The following MYRIP variants were observed in gnomAD, a reference collection of about 807,000 sequenced individuals.
MYRIP encodes myosin VIIA and Rab interacting protein.
Under a neutral mutation model 98.0 loss-of-function variants are expected in MYRIP, and 49 were observed. The ratio of observed to expected loss-of-function variants is 0.50; its 90% CI spans 0.40 to 0.63. The LOEUF is 0.63. Ranked by LOEUF, MYRIP falls within the 30% of genes least tolerant of loss-of-function variation. The probability of loss-of-function intolerance (pLI) is 0.00; values close to 1 mark genes in which losing one functional copy is unlikely to be tolerated. For synonymous variants in MYRIP, 404 were observed against 409.5 expected (o/e 0.99, Z 0.16); for missense variants, 1,004 against 1,058.2 (o/e 0.95, Z 0.71).
At chr3:40,206,837 T>C (rs1951803605) in intron 10 of MYRIP, among the ~76,000 whole-genome samples, 2 of 152,218 alleles carry the variant, frequency 1.3e-5, no homozygotes, top group South Asian at 4.1e-4. Context: ...TAAATAGACA[T>C]GAAACGTGGA....
At chr3:40,105,037 G>T (rs1949027812) in intron 3 of MYRIP, among the ~76,000 whole-genome samples, 1 of 151,940 alleles carries the variant, frequency 6.6e-6, no homozygotes, top group Non-Finnish European at 1.5e-5. Flanking sequence ...GTAGGTGCAG[G>T]ATGTATATCT....
At chr3:40,118,689 G>A (rs908690861) in intron 3 of MYRIP, among the ~76,000 whole-genome samples, 1 of 151,440 alleles carries the variant, frequency 6.6e-6, no homozygotes, top group Non-Finnish European at 1.5e-5. Context: ...TGCCATGTTG[G>A]TGTGCTGCAC....
At chr3:39,996,571 C>A (rs1946363111) in intron 2 of MYRIP, among the ~76,000 whole-genome samples, 1 of 152,128 alleles carries the variant, frequency 6.6e-6, no homozygotes, top group Non-Finnish European at 1.5e-5. Flanking sequence ...TAGACTCCCA[C>A]ACAATAATAA....
At chr3:39,987,667 A>T (rs1033094043) in intron 2 of MYRIP, among the ~76,000 whole-genome samples, 9 of 152,084 alleles carry the variant, frequency 5.9e-5, no homozygotes, top group Non-Finnish European at 1.2e-4. Flanking sequence ...GCCAGCATCT[A>T]TTGTTTCTTG....
At chr3:39,948,729 G>A (rs1944950814) in intron 2 of MYRIP, among the ~76,000 whole-genome samples, 1 of 152,036 alleles carries the variant, frequency 6.6e-6, no homozygotes, top group Admixed American at 6.6e-5. Flanking sequence ...ATAGATTAGA[G>A]CAATATTTGA....
intron 2 of MYRIP, among the ~76,000 whole-genome samples, chr3:40,003,959 C>G (rs1946577737): frequency 6.6e-6 from 1 of 152,156 alleles, no homozygotes; most frequent in Non-Finnish European, 1.5e-5. Flanking sequence ...CCTGCTATGC[C>G]CACCTGCCAT....
intron 3 of MYRIP, among the ~76,000 whole-genome samples, chr3:40,120,133 A>C (rs1949370429): frequency 6.6e-6 from 1 of 152,170 alleles, no homozygotes; most frequent in East Asian, 1.9e-4. Flanking sequence ...CTGCAACCCA[A>C]CAACTTCAAC....
chr3:40,233,629 T>C (rs1650112479), intron 11 of MYRIP, among the ~76,000 whole-genome samples: 1 of 152,182 alleles, frequency 6.6e-6, no homozygotes, highest in Non-Finnish European at 1.5e-5. Flanking sequence ...TCACCAAGAA[T>C]CTGAAATAAT....
chr3:39,820,943 T>A (rs140607992), intron 1 of MYRIP, among the ~76,000 whole-genome samples: 1 of 152,126 alleles, frequency 6.6e-6, no homozygotes, highest in African/African-American at 2.4e-5. Context: ...ATCCACTTTC[T>A]GCTTGGGTTG....
chr3:40,160,868 C>T (rs11714919), intron 4 of MYRIP, among the ~76,000 whole-genome samples: 35,010 of 152,078 alleles, frequency 0.23, 4,575 homozygotes, highest in South Asian at 0.41. Flanking sequence ...GGTTCGCACA[C>T]GGTGCGCACA....
intron 3 of MYRIP, among the ~76,000 whole-genome samples, chr3:40,106,580 T>C (rs1390938222): frequency 6.6e-6 from 1 of 152,196 alleles, no homozygotes. Context: ...GGTATATCTT[T>C]TCAATCAAGC....
chr3:39,984,981 T>C lies in MYRIP; in HGVS notation c.111-59069T>C, dbSNP rs571354369. 1.0e-4 allele frequency among the ~76,000 whole-genome samples: 15 copies of C among 150,450 alleles called. No homozygotes were observed. In the South Asian group the frequency reaches 2.7e-3, roughly 28 times the overall value. ...TTTGCATTTCTCTGATGGCCAGTGA[T>C]GATGAGCATTTTTTCATGTGTTTTT... is the stretch of plus-strand genomic sequence containing the variant. On this transcript the variant is annotated intron_variant, in intron 2 of 16. Transcript: ENST00000302541.
In MYRIP at chr3:40,244,461, G is replaced by T; in HGVS notation, c.2116G>T (p.Gly706Cys). ...GTCTCTACAGGTATACCTGGCAGCA[G>T]GCACTGTGTATGGACTGGAGACCCA... is the stretch of plus-strand genomic sequence containing the variant. ...SLEENVYLAA[G>C]TVYGLETQLT... is the part of the protein sequence containing the mutation. Residue 706 changes from glycine (G) to cysteine (C), a missense_variant, in exon 13 of 17, where the codon GGC becomes TGC. By Grantham distance (159) the Gly-to-Cys change is radical. Coordinates refer to ENST00000302541, the MANE Select transcript of MYRIP (RefSeq NM_015460.4). The T allele has an allele frequency of 6.2e-7, 1 of 1,612,896 alleles. No homozygotes were observed. Among genetic ancestry groups the T allele is most frequent in the Non-Finnish European group, 8.5e-7 (1 of 1,179,388 alleles).
chr3:40,126,018 C>T (rs1949519910), intron 3 of MYRIP, among the ~76,000 whole-genome samples: 1 of 152,202 alleles, frequency 6.6e-6, no homozygotes. Flanking sequence ...CAAGGGCCTT[C>T]ATGCTGTCAG....
chr3:40,244,117 T>G (rs1232610233), intron 12 of MYRIP, among the ~76,000 whole-genome samples: 2 of 152,218 alleles, frequency 1.3e-5, no homozygotes, highest in Non-Finnish European at 2.9e-5. Flanking sequence ...TTGTTTCTTC[T>G]TTATAGTCAT....
At chr3:39,993,418 C>A (rs1017449563) in intron 2 of MYRIP, among the ~76,000 whole-genome samples, 1 of 152,176 alleles carries the variant, frequency 6.6e-6, no homozygotes, top group Non-Finnish European at 1.5e-5. Context: ...CAGCCATACT[C>A]ACCTGACAAA....
intron 2 of MYRIP, among the ~76,000 whole-genome samples, chr3:40,034,929 T>C (rs1405922783): frequency 1.3e-5 from 2 of 151,726 alleles, no homozygotes; most frequent in East Asian, 1.9e-4. Context: ...TGTAGGGACA[T>C]GGATGAAATT....
chr3:40,108,828 C>A (rs535359038), intron 3 of MYRIP, among the ~76,000 whole-genome samples: 1 of 152,272 alleles, frequency 6.6e-6, no homozygotes, highest in Non-Finnish European at 1.5e-5. Context: ...GAGAGACTGC[C>A]AATTCCTAGA....
At chr3:40,146,737 A>G (rs955854005) in intron 3 of MYRIP, among the ~76,000 whole-genome samples, 2 of 152,146 alleles carry the variant, frequency 1.3e-5, no homozygotes, top group African/African-American at 4.8e-5. Flanking sequence ...ATGCATGCAC[A>G]CACATACACA....
Sources: allele counts gnomAD v4.1 joint callset (sites outside exome capture counted in the v4.1 genomes callset), GRCh38; gene constraint gnomAD v4.1.1; transcripts MANE v1.5; gene names NCBI Gene and HGNC (gene_info 2026-07-23, HGNC 2026-07-21).